The following ANKRD28 variants were observed in gnomAD, a reference collection of about 807,000 sequenced individuals.
The protein encoded by ANKRD28 is serine/threonine-protein phosphatase 6 regulatory ankyrin repeat subunit A.
In ANKRD28, 44 loss-of-function variants were observed where a neutral mutation model predicts 126.5. The observed-to-expected ratio is 0.35, with a 90% CI of 0.27 to 0.45. The LOEUF (loss-of-function observed/expected upper bound fraction) is 0.45. Ranked by LOEUF, ANKRD28 falls within the 20% of genes least tolerant of loss-of-function variation. The pLI is 1.00. For missense variants in ANKRD28, 1,110 were observed against 1,316.6 expected, an observed-to-expected ratio of 0.84 and a Z score of 2.43; for synonymous variants, 442 against 468.5, an observed-to-expected ratio of 0.94 and a Z score of 0.73.
chr3:15,678,179 G>T (rs1255508540), intron 24 of ANKRD28, 30 bp downstream of exon 24: 29 of 1,579,432 alleles, frequency 1.8e-5, no homozygotes, highest in Non-Finnish European at 2.5e-5. Context: ...ACATACTTAG[G>T]AAAATACAAT....
chr3:15,690,389 A>G, intron 17 of ANKRD28, among the ~76,000 whole-genome samples, 169 bp from the exon 18 acceptor site: 1 of 152,254 alleles, frequency 6.6e-6, no homozygotes, highest in East Asian at 1.9e-4. Context: ...CTTTCTAATA[A>G]TCAACATAGT....
chr3:15,691,424 C>T (rs768018572), intron 17 of ANKRD28, among the ~76,000 whole-genome samples: 14 of 152,130 alleles, frequency 9.2e-5, no homozygotes, highest in African/African-American at 1.4e-4. Context: ...CGCCCGGCCC[C>T]GAGTTGCCTT....
intron 5 of ANKRD28, 44 bp downstream of exon 5, chr3:15,736,989 G>A (rs565416195): frequency 2.3e-5 from 37 of 1,584,516 alleles, no homozygotes; most frequent in Non-Finnish European, 3.0e-5. Context: ...GTGGGGGGTG[G>A]ACAGGAGGAG....
intron 8 of ANKRD28, among the ~76,000 whole-genome samples, chr3:15,720,208 G>T (rs1335486447): frequency 6.6e-6 from 1 of 150,766 alleles, no homozygotes; most frequent in African/African-American, 2.5e-5. Context: ...ACTCTTGAAA[G>T]TGATTCTAAC....
chr3:15,690,222 T>C lies in ANKRD28; in HGVS notation c.1762-2A>G. 6.4e-7 allele frequency: 1 copy of C among 1,563,244 alleles called. No homozygotes were observed. The highest frequency in any genetic ancestry group is 8.7e-7 in the Non-Finnish European group (1 of 1,154,720). ...TGCTTGATGGTGACCATGATAGGCCTAGAAATAAATAAAAATGTAAATTTA... is the reference window on the plus strand; with the variant it reads ...TGCTTGATGGTGACCATGATAGGCCCAGAAATAAATAAAAATGTAAATTTA... On this transcript the variant is annotated splice_acceptor_variant, in intron 17 of 27. Coordinates refer to ENST00000683139, the MANE Select transcript of ANKRD28 (RefSeq NM_001349278.2). LOFTEE classifies it high-confidence loss of function.
rs1332089100 is a variant in ANKRD28, at chr3:15,737,221, C to T, written c.364G>A (p.Val122Ile). The T allele has an allele frequency of 1.9e-6, 3 of 1,613,420 alleles. No homozygotes were observed. Among genetic ancestry groups the T allele is most frequent in the Non-Finnish European group, 1.7e-6 (2 of 1,179,704 alleles). ...VASCSEEAVQ[V>I]LLKHSADVNA... The stretch of plus-strand genomic sequence containing the variant: ...ACATCTGCAGAATGCTTCAAAAGTA[C>T]CTGAACTGCTTCCTAAAACATATGA... The change falls in exon 5 of 28, where the codon GTA becomes ATA. Residue 122 changes from valine (V) to isoleucine (I), a missense_variant. Coordinates refer to ENST00000683139, the MANE Select transcript of ANKRD28 (RefSeq NM_001349278.2).
chr3:15,756,553 T>A (rs898414166), intron 3 of ANKRD28: 1 of 978,910 alleles, frequency 1.0e-6, no homozygotes, highest in African/African-American at 1.7e-5. Context: ...GACACAGTCA[T>A]GGGTTAGTGG....
In ANKRD28 at chr3:15,775,894, T is replaced by C. The variant is rs2059241647; in HGVS notation, c.202-9582A>G. On this transcript the variant is annotated intron_variant, in intron 2 of 27. Coordinates refer to ENST00000683139, the MANE Select transcript of ANKRD28 (RefSeq NM_001349278.2). ...CTGGCTACTGGTGACCAACTCAACA[T>C]TCAGTCCCTCTTCTTTCTCCAGAGA... 2.6e-5 allele frequency among the ~76,000 whole-genome samples: 4 copies of C among 152,164 alleles called. No individual in the cohort carries two copies. In the South Asian group the frequency reaches 8.3e-4, roughly 32 times the overall value.
At chr3:15,803,614 T>A (rs112216445) in intron 1 of ANKRD28, among the ~76,000 whole-genome samples, 3,213 of 125,278 alleles carry the variant, frequency 0.026, 134 homozygotes, top group African/African-American at 0.09. Context: ...AGACTCCATT[T>A]AAAAAAAAAA....
rs1171951042 is a variant in ANKRD28, at chr3:15,846,090, T to C, written c.27+13287A>G. Reference sequence around the variant, plus strand: ...TTCAAAACCAACCATGCCTTTCCAATAGTCTCCCAAAATCTTAACTCGTCC... The same window carrying C: ...TTCAAAACCAACCATGCCTTTCCAACAGTCTCCCAAAATCTTAACTCGTCC... On this transcript the variant is annotated intron_variant, in intron 1 of 27. Transcript: ENST00000399451. The surrounding 1 kb of genome is among the most constrained non-coding windows in gnomAD (Gnocchi z 5.4). Among the ~76,000 whole-genome samples the C allele has an allele frequency of 1.3e-5, 2 of 152,154 alleles. No homozygotes were observed. The highest frequency in any genetic ancestry group is 1.9e-4 in the East Asian group (1 of 5,196).
rs745926309 is a variant in ANKRD28 at position 15,685,298 on chromosome 3, C to T, written c.2317G>A (p.Ala773Thr). ...GVLGALLQSA[A>T]SMDANPATAD... Reference sequence around the variant, plus strand: ...GTGGCTGGATTTGCATCCATAGATGCTGCTGACTGCAAAAGGGCTCCAAGA... The same window carrying T: ...GTGGCTGGATTTGCATCCATAGATGTTGCTGACTGCAAAAGGGCTCCAAGA... The change falls in exon 21 of 28, where the codon GCA (alanine) becomes ACA (threonine). Residue 773 changes from alanine (A) to threonine (T), a missense_variant. By Grantham distance (58) the Ala-to-Thr change is moderately conservative. Coordinates refer to ENST00000683139, the MANE Select transcript of ANKRD28 (RefSeq NM_001349278.2). 5 of 1,614,000 alleles carry T rather than the reference C, an allele frequency of 3.1e-6. No individual in the cohort carries two copies. The Admixed American group carries it at 6.7e-5, about 22-fold the overall frequency.
At chr3:15,743,375 C>A (rs534092292) in intron 4 of ANKRD28, among the ~76,000 whole-genome samples, 161 of 147,952 alleles carry the variant, frequency 1.1e-3, no homozygotes, top group East Asian at 3.6e-3. Context: ...AACAAACAAA[C>A]AAAAAAAAAC....
At chr3:15,849,996 C>T (rs1271024825) in intron 1 of ANKRD28, among the ~76,000 whole-genome samples, 1 of 151,416 alleles carries the variant, frequency 6.6e-6, no homozygotes, top group East Asian at 1.9e-4. Context: ...CACTACAAAC[C>T]TACAGTTATC....
At chr3:15,773,087 C>T (rs1456849719) in intron 2 of ANKRD28, among the ~76,000 whole-genome samples, 2 of 151,122 alleles carry the variant, frequency 1.3e-5, no homozygotes, top group Non-Finnish European at 2.9e-5. Context: ...AGAAAAGTAT[C>T]TCTAGTCATA....
chr3:15,835,525 C>A (rs2061304382), intron 1 of ANKRD28, among the ~76,000 whole-genome samples: 1 of 152,244 alleles, frequency 6.6e-6, no homozygotes, highest in Non-Finnish European at 1.5e-5. Context: ...ATTTAGAACT[C>A]ATCTTTGAAA....
At chr3:15,690,366 G>GTTAA (rs1553589558) in intron 17 of ANKRD28, 146 bp from the exon 18 acceptor site, 1 of 669,636 alleles carries the variant, frequency 1.5e-6, no homozygotes, top group Non-Finnish European at 2.4e-6. Context: ...AATTCAGGAA[G>GTTAA]TTAACTACAG....
chr3:15,751,725 A>G (rs369668557), intron 4 of ANKRD28, 25 bp downstream of exon 4: 213 of 1,474,992 alleles, frequency 1.4e-4, no homozygotes, highest in Non-Finnish European at 1.9e-4. Flanking sequence ...CATATAAAAC[A>G]TATTTACTAA....
rs1007478786 is a variant in ANKRD28 at position 15,797,947 on chromosome 3, G to A, written c.-1426C>T. The A allele has an allele frequency of 1.0e-6, 1 of 985,242 alleles. No homozygotes were observed. The highest frequency in any genetic ancestry group is 1.7e-5 in the African/African-American group (1 of 57,200). The allele number at this position is 985,242 out of a possible 1,614,324, so 61.0% of individuals were successfully genotyped here. On this transcript the variant is annotated 5_prime_UTR_variant, in exon 1 of 28. Transcript: ENST00000683139. ...GCAGACCCACAGGATGAAATGCCTA[G>A]TAATGCTCACATGTTACACTTACCA...
chr3:15,676,152 A>T (rs1038223774), intron 26 of ANKRD28, 163 bp from the exon 27 acceptor site: 9 of 501,652 alleles, frequency 1.8e-5, no homozygotes, highest in Non-Finnish European at 2.8e-5. Flanking sequence ...GGAGAGCAGA[A>T]CCTCTGTGCA....
Sources: allele counts gnomAD v4.1 joint callset (sites outside exome capture counted in the v4.1 genomes callset), GRCh38; gene constraint gnomAD v4.1.1; non-coding constraint Gnocchi (gnomAD v3.1); transcripts MANE v1.5; gene names NCBI Gene and HGNC (gene_info 2026-07-23, HGNC 2026-07-21).